ANTXR1: variants seen among roughly 807,000 people sequenced by gnomAD.
The protein encoded by ANTXR1 is anthrax toxin receptor 1.
In ANTXR1, 19 loss-of-function variants were observed where a neutral mutation model predicts 78.1. The observed-to-expected ratio is 0.24, with a 90% CI of 0.17 to 0.36. The LOEUF is 0.36. Among genes scored for constraint, ANTXR1 ranks in the 10% least tolerant of loss-of-function variants. ANTXR1 has a pLI of 1.00. For synonymous variants in ANTXR1, 273 were observed against 260.5 expected (o/e 1.05, Z -0.46); for missense variants, 518 against 718.6 (o/e 0.72, Z 3.19).
intron 17 of ANTXR1, among the ~76,000 whole-genome samples, chr2:69,207,657 G>C (rs894316767): frequency 1.3e-5 from 2 of 152,080 alleles, no homozygotes; most frequent in African/African-American, 4.8e-5. Flanking sequence ...AAAAACACTA[G>C]GCAACTTGGT....
At chr2:69,161,390 A>C (rs1311651970) in intron 13 of ANTXR1, among the ~76,000 whole-genome samples, 1 of 152,188 alleles carries the variant, frequency 6.6e-6, no homozygotes, top group East Asian at 1.9e-4. Context: ...CTGAGTTCCA[A>C]ATTGGAGGGA....
At chr2:69,035,078 G>A (rs1671641527) in intron 1 of ANTXR1, among the ~76,000 whole-genome samples, 1 of 152,114 alleles carries the variant, frequency 6.6e-6, no homozygotes, top group East Asian at 1.9e-4. Flanking sequence ...GCCAAGTGCA[G>A]GTGAGACATA....
At chr2:69,184,417 T>C (rs2104465965) in intron 16 of ANTXR1, among the ~76,000 whole-genome samples, 1 of 152,306 alleles carries the variant, frequency 6.6e-6, no homozygotes, top group East Asian at 1.9e-4. Context: ...TATTTTCTAA[T>C]GAAGAACATG....
At chr2:69,241,970 C>T (rs547749718) in intron 17 of ANTXR1, among the ~76,000 whole-genome samples, 4 of 152,252 alleles carry the variant, frequency 2.6e-5, no homozygotes, top group South Asian at 2.1e-4. Context: ...GTGGGGGCCA[C>T]GCAGAAGCTC....
intron 3 of ANTXR1, among the ~76,000 whole-genome samples, chr2:69,057,904 T>C (rs1274356113): frequency 1.3e-5 from 2 of 152,140 alleles, no homozygotes; most frequent in Admixed American, 6.5e-5. Flanking sequence ...AACACACAAA[T>C]GATTAAAAAG....
chr2:69,070,221 C>G (rs1387960499), intron 3 of ANTXR1, among the ~76,000 whole-genome samples: 1 of 152,192 alleles, frequency 6.6e-6, no homozygotes, highest in Non-Finnish European at 1.5e-5. Context: ...GCTGTGGATG[C>G]CACCCTCTTC....
rs1418419876 is a variant in ANTXR1, at chr2:69,247,825, T to C, written c.*2340T>C. ...TTGCTGAGCAACGAGATGGTGAGCA[T>C]CAGTGCAAATGCACCATTCAGCACA... On this transcript the variant is annotated 3_prime_UTR_variant, in exon 18 of 18. Coordinates refer to ENST00000303714, the MANE Select transcript of ANTXR1 (RefSeq NM_032208.3). 6.6e-6 allele frequency: 1 copy of C among 152,270 alleles called. No individual in the cohort carries two copies. Among genetic ancestry groups the C allele is most frequent in the Non-Finnish European group, 1.5e-5 (1 of 68,048 alleles). 9.4% of individuals were successfully genotyped at this position (152,270 alleles called of 1,614,324 possible).
chr2:69,137,069 A>T lies in ANTXR1; in HGVS notation c.951+12426A>T, dbSNP rs566679040. 3.9e-5 allele frequency among the ~76,000 whole-genome samples: 6 copies of T among 152,264 alleles called. No individual in the cohort carries two copies. The South Asian group carries it at 8.3e-4, about 21-fold the overall frequency. On this transcript the variant is annotated intron_variant, in intron 12 of 17. Transcript: ENST00000303714. ...AAATGGTTGCTATAAAATATTGTAAAATGTGTACATTTTATTCTCCCCCAT... is the reference window on the plus strand; with the variant it reads ...AAATGGTTGCTATAAAATATTGTAATATGTGTACATTTTATTCTCCCCCAT...
intron 13 of ANTXR1, among the ~76,000 whole-genome samples, chr2:69,153,714 A>T (rs1411492788): frequency 6.6e-6 from 1 of 152,186 alleles, no homozygotes; most frequent in Non-Finnish European, 1.5e-5. Flanking sequence ...GAAAAGAAAA[A>T]CCTTACAGTG....
intron 17 of ANTXR1, among the ~76,000 whole-genome samples, chr2:69,229,494 T>C (rs1675536481): frequency 6.6e-6 from 1 of 152,200 alleles, no homozygotes; most frequent in Admixed American, 6.5e-5. Flanking sequence ...CAAAAAATCT[T>C]AGTCGGTTTA....
At chr2:69,067,815 GC>G (rs1670446094) in intron 3 of ANTXR1, among the ~76,000 whole-genome samples, 1 of 152,184 alleles carries the variant, frequency 6.6e-6, no homozygotes, top group Admixed American at 6.5e-5. Context: ...GCCATGCACT[GC>G]CCCCAGCATG....
chr2:69,057,117 T>G (rs898501794), intron 3 of ANTXR1, among the ~76,000 whole-genome samples: 1 of 152,242 alleles, frequency 6.6e-6, no homozygotes, highest in Non-Finnish European at 1.5e-5. Context: ...TGCATACTTT[T>G]CTATTTTGTC....
At chr2:69,029,121 C>G (rs1404448178) in intron 1 of ANTXR1, among the ~76,000 whole-genome samples, 1 of 151,296 alleles carries the variant, frequency 6.6e-6, no homozygotes, top group African/African-American at 2.4e-5. Context: ...CCCAGCTACT[C>G]AGGAGGCCGA....
At chr2:69,226,396 T>C (rs748758433) in intron 17 of ANTXR1, among the ~76,000 whole-genome samples, 9 of 151,950 alleles carry the variant, frequency 5.9e-5, no homozygotes, top group Non-Finnish European at 1.3e-4. Context: ...GACCAGTCAA[T>C]TGGGGAAGGA....
At chr2:69,083,132 C>T (rs187027461) in intron 8 of ANTXR1, among the ~76,000 whole-genome samples, 171 of 152,314 alleles carry the variant, frequency 1.1e-3, no homozygotes, top group African/African-American at 3.9e-3. Context: ...CAGGCCCTAA[C>T]AAAGCTGTGA....
intron 3 of ANTXR1, among the ~76,000 whole-genome samples, chr2:69,059,599 G>C (rs1051753449): frequency 1.3e-5 from 2 of 151,870 alleles, no homozygotes; most frequent in African/African-American, 4.8e-5. Flanking sequence ...CTGTCTCAGC[G>C]TCCTGAGTAG....
At chr2:69,184,795 T>C (rs1674380426) in intron 16 of ANTXR1, among the ~76,000 whole-genome samples, 1 of 152,216 alleles carries the variant, frequency 6.6e-6, no homozygotes, top group African/African-American at 2.4e-5. Context: ...TGCCAGGCAC[T>C]GTAGGATGTT....
chr2:69,150,347 A>G (rs1673358308), intron 12 of ANTXR1, among the ~76,000 whole-genome samples: 1 of 152,196 alleles, frequency 6.6e-6, no homozygotes, highest in African/African-American at 2.4e-5. Flanking sequence ...TAAACATCAC[A>G]GGTGTCATTT....
chr2:69,150,876 T>A (rs1417614412), intron 12 of ANTXR1, among the ~76,000 whole-genome samples: 1 of 151,760 alleles, frequency 6.6e-6, no homozygotes, highest in Non-Finnish European at 1.5e-5. Flanking sequence ...AAAAAATAAT[T>A]AGCCAGGCAT....
Sources: gnomAD v4.1 joint callset for allele counts (sites outside exome capture counted in the v4.1 genomes callset) on GRCh38, gnomAD v4.1.1 for gene constraint, MANE v1.5 for transcripts, NCBI Gene and HGNC (gene_info 2026-07-23, HGNC 2026-07-21) for gene names.